PILRA: variants seen among roughly 807,000 people sequenced by gnomAD.
PILRA encodes paired immunoglobin like type 2 receptor alpha.
PILRA carries 37 observed loss-of-function variants against 33.1 expected under a neutral mutation model. The observed-to-expected ratio is 1.12, with a 90% confidence interval of 0.86 to 1.47. The LOEUF (loss-of-function observed/expected upper bound fraction) is 1.47, where lower values mean the gene tolerates loss of function less well. Ranked by LOEUF, PILRA falls within the 40% of genes most tolerant of loss-of-function variation. The pLI is 0.00. For missense variants in PILRA, 312 were observed against 376.2 expected (o/e 0.83, Z 1.41); for synonymous variants, 146 against 149.9 (o/e 0.97, Z 0.19).
At chr7:100,389,774 G>C in intron 2 of PILRA, 114 bp from the exon 3 acceptor site, 1 of 817,402 alleles carries the variant, frequency 1.2e-6, no homozygotes, top group Non-Finnish European at 2.1e-6. Flanking sequence ...GGGCTTCAGA[G>C]AGGAGCTCCC....
chr7:100,372,020 T>C (rs564613867), upstream of PILRA, among the ~76,000 whole-genome samples: 1 of 152,282 alleles, frequency 6.6e-6, no homozygotes, highest in Admixed American at 6.5e-5. Flanking sequence ...GACAGCCTGG[T>C]AAGCAGGTGA....
chr7:100,393,660 A>ACAG (rs748632440), intron 3 of PILRA, among the ~76,000 whole-genome samples: 1 of 152,186 alleles, frequency 6.6e-6, no homozygotes, highest in Non-Finnish European at 1.5e-5. Context: ...CTGGAAGCAG[A>ACAG]CAGCACATCA....
intron 1 of PILRA, 42 bp downstream of exon 1, chr7:100,373,762 C>T (rs909408322): frequency 1.2e-5 from 20 of 1,608,552 alleles, no homozygotes; most frequent in Non-Finnish European, 1.7e-5. Flanking sequence ...CTGCCCAAAC[C>T]ACAGGAGGGG....
intron 2 of PILRA, among the ~76,000 whole-genome samples, chr7:100,389,278 TA>T (rs1006994929): frequency 7.2e-5 from 11 of 152,018 alleles, no homozygotes; most frequent in African/African-American, 1.2e-4. Context: ...ATTTTTAACT[TA>T]AAAAAAATGT....
rs1013066762 is a variant in PILRA at position 100,399,268 on chromosome 7, C to T, written c.708-23C>T. On this transcript the variant is annotated intron_variant, in intron 4 of 6. Transcript: ENST00000198536. The stretch of plus-strand genomic sequence containing the variant: ...AAAATGCCCAACCTCTAACATATTT[C>T]CTGTCCTCTTGTTCCCATACAGGGA... The T allele has an allele frequency of 5.0e-6, 8 of 1,590,996 alleles. No individual in the cohort carries two copies. The Admixed American group carries it at 8.5e-5, about 17-fold the overall frequency.
chr7:100,373,852 G>A, intron 1 of PILRA, 132 bp downstream of exon 1: 2 of 1,323,506 alleles, frequency 1.5e-6, no homozygotes, highest in Non-Finnish European at 2.1e-6. Flanking sequence ...TCCCACAGGG[G>A]CGGGTGACCC....
At chr7:100,392,839 A>C (rs1459088921) in intron 3 of PILRA, among the ~76,000 whole-genome samples, 1 of 152,220 alleles carries the variant, frequency 6.6e-6, no homozygotes, top group African/African-American at 2.4e-5. Context: ...CTTACCTCAT[A>C]ATTTGTACCA....
At chr7:100,396,161 C>T (rs1029334226) in intron 3 of PILRA, among the ~76,000 whole-genome samples, 1 of 151,960 alleles carries the variant, frequency 6.6e-6, no homozygotes, top group African/African-American at 2.4e-5. Flanking sequence ...AGCTACCATA[C>T]GATCCAGCAA....
At chr7:100,373,772 G>T in intron 1 of PILRA, 52 bp downstream of exon 1, 1 of 1,603,686 alleles carries the variant, frequency 6.2e-7, no homozygotes. Context: ...CACAGGAGGG[G>T]CCAACCCGAG....
rs761996233 is a variant in PILRA, at chr7:100,397,942, G to T, written c.707+30G>T. On this transcript the variant is annotated intron_variant, in intron 4 of 6. Coordinates refer to ENST00000198536, the MANE Select transcript of PILRA (RefSeq NM_013439.3). ...GTGCTGGGCCTCCCCAGGGTGGGTTGGGGGGTGCATGTGCAGGCAGTGGGC... is the reference window on the plus strand; with the variant it reads ...GTGCTGGGCCTCCCCAGGGTGGGTTTGGGGGTGCATGTGCAGGCAGTGGGC... 7 of 1,610,014 alleles carry T rather than the reference G, an allele frequency of 4.3e-6. No individual in the cohort carries two copies. The Admixed American group carries it at 1.0e-4, about 23-fold the overall frequency.
upstream of PILRA, chr7:100,373,348 C>A: frequency 1.8e-6 from 1 of 541,772 alleles, no homozygotes; most frequent in Non-Finnish European, 3.3e-6. Flanking sequence ...TCAGGCCCAG[C>A]CCCCCAAGGT....
chr7:100,378,818 C>A (rs536757199), intron 2 of PILRA, among the ~76,000 whole-genome samples: 1 of 152,192 alleles, frequency 6.6e-6, no homozygotes, highest in East Asian at 1.9e-4. Context: ...GGCAGCCAGG[C>A]GTGGTGGCTC....
At chr7:100,398,440 T>C (rs1215185565) in intron 4 of PILRA, among the ~76,000 whole-genome samples, 2 of 152,104 alleles carry the variant, frequency 1.3e-5, no homozygotes, top group Non-Finnish European at 2.9e-5. Flanking sequence ...TCTGGGCTCT[T>C]CCTCTCCACC....
chr7:100,374,571 T>A, intron 2 of PILRA, 138 bp downstream of exon 2: 1 of 967,202 alleles, frequency 1.0e-6, no homozygotes, highest in Non-Finnish European at 1.6e-6. Flanking sequence ...TAACACTTCC[T>A]CAGGCCTTTG....
chr7:100,384,412 CAA>C (rs999346902), intron 2 of PILRA, among the ~76,000 whole-genome samples: 11 of 107,814 alleles, frequency 1.0e-4, no homozygotes, highest in East Asian at 2.6e-4. Context: ...CCGTCTCTAC[CAA>C]AAAAAAAAAA....
intron 2 of PILRA, among the ~76,000 whole-genome samples, chr7:100,380,170 G>T (rs1273890455): frequency 6.6e-6 from 1 of 152,200 alleles, no homozygotes; most frequent in African/African-American, 2.4e-5. Context: ...GGCGACTGGG[G>T]TCTGGTCCTC....
chr7:100,385,952 C>T (rs371233043), intron 2 of PILRA, among the ~76,000 whole-genome samples: 33 of 145,264 alleles, frequency 2.3e-4, no homozygotes, highest in South Asian at 6.5e-4. Context: ...TTTTTTGAGA[C>T]GGAGTTTCAA....
At chr7:100,380,131 T>C (rs769173625) in intron 2 of PILRA, among the ~76,000 whole-genome samples, 4 of 152,156 alleles carry the variant, frequency 2.6e-5, no homozygotes, top group Non-Finnish European at 2.9e-5. Context: ...AGAGGGCCTC[T>C]GGGGGAGCAC....
chr7:100,393,039 G>A (rs1405107914), intron 3 of PILRA, among the ~76,000 whole-genome samples: 1 of 152,112 alleles, frequency 6.6e-6, no homozygotes, highest in Non-Finnish European at 1.5e-5. Context: ...TACCACTTTG[G>A]GAGGCCGAGG....
Sources: gnomAD v4.1 joint callset for allele counts (sites outside exome capture counted in the v4.1 genomes callset) on GRCh38, gnomAD v4.1.1 for gene constraint, MANE v1.5 for transcripts, NCBI Gene and HGNC (gene_info 2026-07-23, HGNC 2026-07-21) for gene names.